Variants in TCF4 observed in about 807,000 individuals in gnomAD.
The protein encoded by TCF4 is transcription factor 4.
TCF4 carries 3 observed loss-of-function variants against 82.1 expected under a neutral mutation model. The observed-to-expected ratio is 0.04, with a 90% CI of 0.02 to 0.09. The LOEUF (loss-of-function observed/expected upper bound fraction) is 0.09. Ranked by LOEUF, TCF4 falls within the 10% of genes least tolerant of loss-of-function variation. The probability of loss-of-function intolerance (pLI) is 1.00; values close to 1 mark genes in which losing one functional copy is unlikely to be tolerated. For missense variants in TCF4, 518 were observed against 852.7 expected, an observed-to-expected ratio of 0.61 and a Z score of 4.89; for synonymous variants, 276 against 309.6, an observed-to-expected ratio of 0.89 and a Z score of 1.14.
chr18:55,518,184 C>A (rs1346908749), intron 3 of TCF4, among the ~76,000 whole-genome samples: 1 of 152,060 alleles, frequency 6.6e-6, no homozygotes, highest in Admixed American at 6.6e-5. Context: ...TGGAGTTTAT[C>A]TTCCTTACAT....
chr18:55,535,440 T>C (rs537531209), intron 3 of TCF4, among the ~76,000 whole-genome samples: 62 of 152,320 alleles, frequency 4.1e-4, no homozygotes, highest in South Asian at 1.2e-3. Flanking sequence ...AAGGAAAATG[T>C]GTAAGCCTAG....
chr18:55,387,264 A>C (rs1197337500), intron 6 of TCF4, among the ~76,000 whole-genome samples: 1 of 152,236 alleles, frequency 6.6e-6, no homozygotes, highest in African/African-American at 2.4e-5. Context: ...CTGAAAATAC[A>C]GCATTGCCTG....
At chr18:55,474,333 T>C (rs2096247042) in intron 3 of TCF4, among the ~76,000 whole-genome samples, 1 of 152,210 alleles carries the variant, frequency 6.6e-6, no homozygotes, top group Non-Finnish European at 1.5e-5. Flanking sequence ...TAGTAAAGCA[T>C]TTAATTTTTG....
intron 14 of TCF4, among the ~76,000 whole-genome samples, chr18:55,254,950 C>A (rs940866387): frequency 6.6e-6 from 1 of 152,164 alleles, no homozygotes; most frequent in African/African-American, 2.4e-5. Context: ...GACATTATAA[C>A]ATACATGTGC....
chr18:55,419,386 A>G (rs2094644049), intron 5 of TCF4, among the ~76,000 whole-genome samples: 1 of 150,906 alleles, frequency 6.6e-6, no homozygotes, highest in South Asian at 2.1e-4. Flanking sequence ...GGTATTCAAC[A>G]TCCAACCATT....
rs189226466 is a variant in TCF4, at chr18:55,270,461, G to A, written c.790-498C>T. On this transcript the variant is annotated intron_variant, in intron 10 of 19. Transcript: ENST00000354452. The stretch of plus-strand genomic sequence containing the variant: ...TCTTCCTCCCAAATTAAATTTTTTT[G>A]AACCCCAGCAACAATAAAATTTAGT... Among the ~76,000 whole-genome samples the A allele has an allele frequency of 6.6e-5, 10 of 152,034 alleles. No homozygotes were observed. In the South Asian group the frequency reaches 1.2e-3, roughly 19 times the overall value.
rs1300095041 is a variant in TCF4 at position 55,553,569 on chromosome 18, C to A, written c.145+31711G>T. ...TGGGTGGCAATTTTCAGCCAAGTCC[C>A]CAACTCCCTGTGTTTATGTATTTAC... is the stretch of plus-strand genomic sequence containing the variant. On this transcript the variant is annotated intron_variant, in intron 3 of 19. Transcript: ENST00000354452. The A allele has an allele frequency of 2.0e-5, 3 of 152,106 alleles. No individual in the cohort carries two copies. In the East Asian group the frequency reaches 5.8e-4, roughly 29 times the overall value. The allele number at this position is 152,106 out of a possible 1,614,324, so 9.4% of individuals were successfully genotyped here.
chr18:55,362,714 T>C (rs1321803432), intron 6 of TCF4, among the ~76,000 whole-genome samples: 1 of 152,238 alleles, frequency 6.6e-6, no homozygotes, highest in African/African-American at 2.4e-5. Context: ...TCTTTAAGTT[T>C]CCTTAGAGTA....
At chr18:55,286,597 G>T (rs563000568) in intron 8 of TCF4, among the ~76,000 whole-genome samples, 1 of 152,234 alleles carries the variant, frequency 6.6e-6, no homozygotes, top group South Asian at 2.1e-4. Flanking sequence ...AGAAATGGAA[G>T]AAGTAGAGTT....
intron 3 of TCF4, among the ~76,000 whole-genome samples, chr18:55,490,340 A>G (rs773823462): frequency 2.6e-5 from 4 of 152,186 alleles, no homozygotes; most frequent in Non-Finnish European, 4.4e-5. Context: ...AACGTGGGCT[A>G]GAGAGGCACA....
At position 55,223,380 on chromosome 18, in the gene TCF4, C is replaced by T. The variant is rs1020489035; in HGVS notation, c.*4655G>A. On this transcript the variant is annotated 3_prime_UTR_variant, in exon 20 of 20. Coordinates refer to ENST00000354452, the MANE Select transcript of TCF4 (RefSeq NM_001083962.2). ...ACACTTGGAAAATGAAATATAGATG[C>T]GTTTTACTTACAGAAGAGAATCATA... 5.9e-5 allele frequency: 9 copies of T among 152,590 alleles called. 1 individual carries two copies. Among genetic ancestry groups the T allele is most frequent in the African/African-American group, 1.9e-4 (8 of 41,508 alleles). 9.5% of individuals were successfully genotyped at this position (152,590 alleles called of 1,614,324 possible).
chr18:55,551,781 G>A (rs1302580647), intron 3 of TCF4: 1 of 152,174 alleles, frequency 6.6e-6, no homozygotes, highest in African/African-American at 2.4e-5. Flanking sequence ...ATAAGATGAA[G>A]GAAATAGGAC....
chr18:55,357,529 A>G (rs899623429), intron 6 of TCF4, among the ~76,000 whole-genome samples: 1 of 152,218 alleles, frequency 6.6e-6, no homozygotes, highest in African/African-American at 2.4e-5. Flanking sequence ...CTGTTAACAT[A>G]CTAGGGAATT....
At chr18:55,557,643 A>G (rs1015299344) in intron 3 of TCF4, among the ~76,000 whole-genome samples, 11 of 152,174 alleles carry the variant, frequency 7.2e-5, no homozygotes, top group African/African-American at 2.7e-4. Context: ...ATATTTAGAG[A>G]AAATACATTC....
intron 5 of TCF4, among the ~76,000 whole-genome samples, chr18:55,421,411 A>C (rs2094750397): frequency 6.6e-6 from 1 of 152,174 alleles, no homozygotes; most frequent in Admixed American, 6.5e-5. Flanking sequence ...TTACTGAAAT[A>C]CTCTAAAAAA....
intron 3 of TCF4, among the ~76,000 whole-genome samples, chr18:55,557,776 T>G (rs1428894318): frequency 1.3e-5 from 2 of 152,230 alleles, no homozygotes; most frequent in African/African-American, 4.8e-5. Context: ...CTTGTGTTTT[T>G]TTAAATGCAG....
intron 3 of TCF4, among the ~76,000 whole-genome samples, chr18:55,530,950 T>C: frequency 6.6e-6 from 1 of 151,766 alleles, no homozygotes; most frequent in Non-Finnish European, 1.5e-5. Context: ...ATTTTCTTTT[T>C]GCATTTTTTT....
intron 2 of TCF4, among the ~76,000 whole-genome samples, chr18:55,612,118 G>A (rs935394445): frequency 1.3e-5 from 2 of 152,170 alleles, no homozygotes; most frequent in African/African-American, 4.8e-5. Context: ...AAACTGGGCT[G>A]TATCTTATAA....
chr18:55,565,633 T>G (rs191604535), intron 3 of TCF4, among the ~76,000 whole-genome samples: 11 of 152,262 alleles, frequency 7.2e-5, no homozygotes, highest in Admixed American at 2.6e-4. Flanking sequence ...TGAGGGTTAG[T>G]AGAAATAACA....
Sources: allele counts gnomAD v4.1 joint callset (sites outside exome capture counted in the v4.1 genomes callset), GRCh38; gene constraint gnomAD v4.1.1; transcripts MANE v1.5; gene names NCBI Gene and HGNC (gene_info 2026-07-23, HGNC 2026-07-21).